SLC35D1: variants seen among roughly 807,000 people sequenced by gnomAD.
SLC35D1 encodes nucleotide sugar transporter SLC35D1.
In SLC35D1, 31 loss-of-function variants were observed where a neutral mutation model predicts 46.7. The ratio of observed to expected loss-of-function variants is 0.66; its 90% CI spans 0.50 to 0.90. The LOEUF (loss-of-function observed/expected upper bound fraction) is 0.90. Ranked by LOEUF, SLC35D1 falls within the 40% of genes least tolerant of loss-of-function variation. SLC35D1 has a pLI of 0.00. For synonymous variants in SLC35D1, 195 were observed against 164.6 expected (o/e 1.18, Z -1.41); for missense variants, 397 against 426.2 (o/e 0.93, Z 0.60).
rs773690087 is a variant in SLC35D1, at chr1:67,054,063, C to A, written c.-50G>T. ...GCGGCGGGGCCTAGCGGCTCGGGGG[C>A]CTGCAGCGGCAGCTCCCAGGGGACT... On this transcript the variant is annotated 5_prime_UTR_variant, in exon 1 of 12. Coordinates refer to ENST00000235345, the MANE Select transcript of SLC35D1 (RefSeq NM_015139.3). 1.9e-6 allele frequency: 3 copies of A among 1,584,134 alleles called. No homozygotes were observed. In the East Asian group the frequency reaches 6.8e-5, roughly 36 times the overall value.
At chr1:67,039,936 G>T (rs1668206524) in intron 8 of SLC35D1, among the ~76,000 whole-genome samples, 1 of 152,004 alleles carries the variant, frequency 6.6e-6, no homozygotes, top group Non-Finnish European at 1.5e-5. Context: ...AACTGGAGGT[G>T]GCTAGTTTTC....
the SLC35D1 span, chr1:66,984,543 T>G: frequency 6.7e-7 from 1 of 1,494,970 alleles, no homozygotes. Flanking sequence ...TTTCTAATTG[T>G]GGTTTCATTT....
At chr1:67,005,832 C>T (rs1667436521) in intron 11 of SLC35D1, among the ~76,000 whole-genome samples, 1 of 152,228 alleles carries the variant, frequency 6.6e-6, no homozygotes, top group South Asian at 2.1e-4. Context: ...TATCCATCCT[C>T]ACTCTGTCCT....
the SLC35D1 span, chr1:66,987,251 A>C: frequency 6.5e-6 from 1 of 152,756 alleles, no homozygotes; most frequent in Non-Finnish European, 1.5e-5. Flanking sequence ...TAACTTGATA[A>C]GTCATTGCAC....
chr1:66,982,000 T>A, the SLC35D1 span: 1 of 1,447,240 alleles, frequency 6.9e-7, no homozygotes, highest in Non-Finnish European at 9.6e-7. Flanking sequence ...CGTTTGGGTT[T>A]CTATTAAACT....
chr1:67,050,168 A>G (rs538341019), intron 5 of SLC35D1, among the ~76,000 whole-genome samples: 27 of 152,278 alleles, frequency 1.8e-4, no homozygotes, highest in Non-Finnish European at 2.4e-4. Flanking sequence ...ACCTATACCT[A>G]TGATTCTGAT....
At chr1:67,011,530 T>G (rs530104945) in intron 10 of SLC35D1, among the ~76,000 whole-genome samples, 1 of 152,326 alleles carries the variant, frequency 6.6e-6, no homozygotes, top group South Asian at 2.1e-4. Context: ...TCTCTCAAGT[T>G]GGAGTGCAGT....
the SLC35D1 span, chr1:66,981,836 A>G: frequency 1.4e-5 from 22 of 1,614,078 alleles, no homozygotes; most frequent in African/African-American, 2.8e-4. Flanking sequence ...GTCGAGCACC[A>G]TCCCCTCCCC....
At chr1:66,984,530 T>C in the SLC35D1 span, 1 of 1,461,020 alleles carries the variant, frequency 6.8e-7, no homozygotes, top group Non-Finnish European at 9.2e-7. Context: ...CAAATTTAAC[T>C]TTTTTCTAAT....
intron 11 of SLC35D1, among the ~76,000 whole-genome samples, chr1:67,004,673 A>G (rs375001810): frequency 3.3e-4 from 51 of 152,310 alleles, no homozygotes; most frequent in Middle Eastern, 6.8e-3. Context: ...ATGAGAAAAT[A>G]TATCATAAAA....
At chr1:67,023,834 C>T (rs1433658939) in intron 8 of SLC35D1, among the ~76,000 whole-genome samples, 1 of 151,884 alleles carries the variant, frequency 6.6e-6, no homozygotes, top group Non-Finnish European at 1.5e-5. Flanking sequence ...TACTGAGCTG[C>T]ACGAGTTTTT....
chr1:66,976,598 C>T, the SLC35D1 span: 2 of 1,575,220 alleles, frequency 1.3e-6, no homozygotes, highest in South Asian at 2.4e-5. Flanking sequence ...CTTACAGGTC[C>T]GAACAAGGTC....
intron 7 of SLC35D1, among the ~76,000 whole-genome samples, chr1:67,043,151 A>ATG (rs1645212860): frequency 6.6e-6 from 1 of 150,952 alleles, no homozygotes; most frequent in African/African-American, 2.4e-5. Flanking sequence ...CCAAGATCGC[A>ATG]CCATTGCACT....
chr1:67,007,807 T>C (rs1040892949), intron 11 of SLC35D1, among the ~76,000 whole-genome samples: 1 of 152,146 alleles, frequency 6.6e-6, no homozygotes, highest in Non-Finnish European at 1.5e-5. Context: ...TATCTGACTT[T>C]TTATACAACA....
intron 5 of SLC35D1, 35 bp from the exon 6 acceptor site, chr1:67,049,885 CTT>C (rs1558167795): frequency 6.9e-7 from 1 of 1,453,074 alleles, no homozygotes; most frequent in Non-Finnish European, 9.6e-7. Context: ...ACACACATGA[CTT>C]TATTCCCACA....
rs1199353323 is a variant in SLC35D1 at position 67,042,323 on chromosome 1, C to A, written c.642G>T (p.Leu214=). 2 of 1,614,046 alleles carry A rather than the reference C, an allele frequency of 1.2e-6. No individual in the cohort carries two copies. Among genetic ancestry groups the A allele is most frequent in the Admixed American group, 1.7e-5 (1 of 60,026 alleles). Residue 214 remains leucine (L), a synonymous_variant, in exon 8 of 12, where the codon CTG becomes CTT. Coordinates refer to ENST00000235345, the MANE Select transcript of SLC35D1 (RefSeq NM_015139.3). ...TGTAATAGAGCAGTCCATATTTTCC[C>A]AGCTCCTAGGACAGTAAATAATTAG... ...YVKQKLDSKE[L]GKYGLLYYNA...
At chr1:67,041,492 A>T (rs1001703280) in intron 8 of SLC35D1, among the ~76,000 whole-genome samples, 4 of 152,220 alleles carry the variant, frequency 2.6e-5, no homozygotes, top group Admixed American at 6.5e-5. Flanking sequence ...CAACATACTT[A>T]TTCTGAAGAA....
At chr1:67,046,999 C>T (rs1372939313) in intron 7 of SLC35D1, among the ~76,000 whole-genome samples, 1 of 152,192 alleles carries the variant, frequency 6.6e-6, no homozygotes, top group Non-Finnish European at 1.5e-5. Context: ...TTTAAAGACA[C>T]TGCAGTGAAC....
At chr1:67,037,410 A>C (rs1238582450) in intron 8 of SLC35D1, among the ~76,000 whole-genome samples, 5 of 152,138 alleles carry the variant, frequency 3.3e-5, no homozygotes, top group African/African-American at 1.2e-4. Flanking sequence ...TACAAAGGCT[A>C]AACTCTCATC....
Sources: allele counts gnomAD v4.1 joint callset (sites outside exome capture counted in the v4.1 genomes callset), GRCh38; gene constraint gnomAD v4.1.1; transcripts MANE v1.5; gene names NCBI Gene and HGNC (gene_info 2026-07-23, HGNC 2026-07-21).